NADSYN1: variants seen among roughly 807,000 people sequenced by gnomAD.
NADSYN1 encodes the protein glutamine-dependent NAD(+) synthetase.
A neutral mutation model predicts 99.3 loss-of-function variants in NADSYN1; 80 were observed. The observed-to-expected ratio is 0.81, with a 90% CI of 0.67 to 0.97. The LOEUF (loss-of-function observed/expected upper bound fraction) is 0.97, where lower values mean the gene tolerates loss of function less well. Among genes scored for constraint, NADSYN1 ranks in the 50% least tolerant of loss-of-function variants. The pLI, the probability that NADSYN1 is intolerant of heterozygous loss-of-function variation, is 0.00. For missense variants in NADSYN1, 859 were observed against 948.5 expected, an observed-to-expected ratio of 0.91 and a Z score of 1.24; for synonymous variants, 385 against 372.1, an observed-to-expected ratio of 1.03 and a Z score of -0.40.
At position 71,485,552 on chromosome 11, in the gene NADSYN1, G is replaced by A. The variant is rs992896068; in HGVS notation, c.1466G>A (p.Arg489Gln). Residue 489 changes from arginine (R) to glutamine (Q), a missense_variant, in exon 16 of 21, where the codon CGG becomes CAG. Coordinates refer to ENST00000319023, the MANE Select transcript of NADSYN1 (RefSeq NM_018161.5). ...LALQNVQARI[R>Q]MVLAYLFAQL... ...TGTTGTGTTTTCCAGGCTCGAATAC[G>A]GATGGTCCTCGCCTATCTGTTTGCT... 30 of 1,558,212 alleles carry A rather than the reference G, an allele frequency of 1.9e-5. No individual in the cohort carries two copies. Among genetic ancestry groups the A allele is most frequent in the African/African-American group, 5.4e-5 (4 of 73,594 alleles).
intron 9 of NADSYN1, 80 bp from the exon 10 acceptor site, chr11:71,478,315 A>C: frequency 8.3e-7 from 1 of 1,204,516 alleles, no homozygotes; most frequent in Non-Finnish European, 1.2e-6. Flanking sequence ...GTGTGACAAC[A>C]CCTTTGACAG....
At position 71,471,202 on chromosome 11, in the gene NADSYN1, C is replaced by T. The variant is rs12278475; in HGVS notation, c.408-1247C>T. On this transcript the variant is annotated intron_variant, in intron 5 of 20. Coordinates refer to ENST00000319023, the MANE Select transcript of NADSYN1 (RefSeq NM_018161.5). ...TCTGGGATGGTATTCCTTTCATCCC[C>T]GTGGAAGAGGTGGCAGGAAGGTGAG... Among the ~76,000 whole-genome samples, 1,218 of 152,222 alleles carry T rather than the reference C, an allele frequency of 8.0e-3. 22 individuals carry two copies. The highest frequency in any genetic ancestry group is 0.028 in the African/African-American group (1,149 of 41,526).
At position 71,492,809 on chromosome 11, in the gene NADSYN1, C is replaced by T. The variant is rs570708650; in HGVS notation, c.1764+906C>T. Among the ~76,000 whole-genome samples the T allele has an allele frequency of 6.9e-4, 105 of 152,076 alleles. 1 individual carries two copies. The highest frequency in any genetic ancestry group is 2.2e-3 in the African/African-American group (90 of 41,488). On this transcript the variant is annotated intron_variant, in intron 18 of 20. Transcript: ENST00000319023. The stretch of plus-strand genomic sequence containing the variant: ...GATCAGTTTGGAGTTCGGGGAGTTT[C>T]GCCATCTTAATCATAAGAACTCTTC...
intron 2 of NADSYN1, 66 bp downstream of exon 2, chr11:71,455,236 G>C (rs1285404866): frequency 7.2e-7 from 1 of 1,391,996 alleles, no homozygotes; most frequent in East Asian, 2.3e-5. Flanking sequence ...TTCCCCAGCT[G>C]AGAAGGCAAG....
At chr11:71,459,099 A>C in intron 3 of NADSYN1, 1 of 146,802 alleles carries the variant, frequency 6.8e-6, no homozygotes. Flanking sequence ...TCTGTGCTGT[A>C]CCCTGCATAG....
intron 14 of NADSYN1, among the ~76,000 whole-genome samples, chr11:71,483,741 A>G (rs1435158694): frequency 1.3e-5 from 2 of 152,222 alleles, no homozygotes; most frequent in Admixed American, 6.5e-5. Flanking sequence ...CTTGTTCAGG[A>G]AAGTCCATAG....
rs1949727838 is a variant in NADSYN1, at chr11:71,484,323, G to A, written c.1331G>A (p.Ser444Asn). The A allele has an allele frequency of 6.2e-7, 1 of 1,613,852 alleles. No homozygotes were observed. The highest frequency in any genetic ancestry group is 8.5e-7 in the Non-Finnish European group (1 of 1,179,838). ...LAQQIGSHHI[S>N]LNIDPAVKAV... Reference sequence around the variant, plus strand: ...CCTTCTCCTTCCAGCCACCACATCAGTCTCAACATCGATCCAGCCGTGAAG... The same window carrying A: ...CCTTCTCCTTCCAGCCACCACATCAATCTCAACATCGATCCAGCCGTGAAG... Residue 444 changes from serine (S) to asparagine (N), a missense_variant, in exon 15 of 21, where the codon AGT becomes AAT. By Grantham distance (46) the Ser-to-Asn change is conservative. Coordinates refer to ENST00000319023, the MANE Select transcript of NADSYN1 (RefSeq NM_018161.5).
At chr11:71,497,106 G>T in intron 18 of NADSYN1, 1 of 264,504 alleles carries the variant, frequency 3.8e-6, no homozygotes, top group Non-Finnish European at 7.4e-6. Context: ...TTAAACCCCT[G>T]GGCTCAAGCA....
In NADSYN1 at chr11:71,480,768, G is replaced by GCCCCTA. The variant is rs762046883; in HGVS notation, c.892_897dup (p.Tyr298_Pro299dup). The GCCCCTA allele has an allele frequency of 8.1e-6, 13 of 1,614,148 alleles. No individual in the cohort carries two copies. Among genetic ancestry groups the GCCCCTA allele is most frequent in the Admixed American group, 1.7e-5 (1 of 60,024 alleles). ...CTCCATTGCCAGGCCAGCAGGGCGA[G>GCCCCTA]CCCCTACCCCAGAGTGAAGGTGGAC... On this transcript the variant is annotated inframe_insertion, in exon 11 of 21. Transcript: ENST00000319023.
At chr11:71,462,314 T>C (rs950059194) in intron 3 of NADSYN1, among the ~76,000 whole-genome samples, 4 of 152,246 alleles carry the variant, frequency 2.6e-5, no homozygotes, top group Non-Finnish European at 5.9e-5. Context: ...CATAAAACTT[T>C]GGTCTCCACA....
chr11:71,473,284 G>T lies in NADSYN1; in HGVS notation c.466G>T (p.Val156Leu), dbSNP rs376814529. 9.9e-6 allele frequency: 16 copies of T among 1,614,070 alleles called. No homozygotes were observed. Among genetic ancestry groups the T allele is most frequent in the Non-Finnish European group, 1.3e-5 (15 of 1,179,962 alleles). ...MIQDLTKQET[V>L]PFGDAVLVTW... Reference sequence around the variant, plus strand: ...TCTTCTCTTCCGACTGCAGGAAACCGTACCCTTCGGAGATGCGGTGCTGGT... The same window carrying T: ...TCTTCTCTTCCGACTGCAGGAAACCTTACCCTTCGGAGATGCGGTGCTGGT... Residue 156 changes from valine to leucine, a missense_variant, in exon 7 of 21, where the codon GTA (valine) becomes TTA (leucine). Physicochemically the swap from Val to Leu is conservative, Grantham distance 32. Coordinates refer to ENST00000319023, the MANE Select transcript of NADSYN1 (RefSeq NM_018161.5).
In NADSYN1 at chr11:71,498,438, G is replaced by T; in HGVS notation, c.1980G>T (p.Glu660Asp). Reference sequence around the variant, plus strand: ...CGCTCACACCCGCGTACCACGCCGAGAACTACAGCCCTGAGGACAACAGGT... The same window carrying T: ...CGCTCACACCCGCGTACCACGCCGATAACTACAGCCCTGAGGACAACAGGT... ...MTTLTPAYHA[E>D]NYSPEDNRFD... The change falls in exon 20 of 21, where the codon GAG (glutamate) becomes GAT (aspartate). Residue 660 changes from glutamate to aspartate, a missense_variant. Transcript: ENST00000319023. 6.2e-7 allele frequency: 1 copy of T among 1,614,186 alleles called. No individual in the cohort carries two copies. The highest frequency in any genetic ancestry group is 1.1e-5 in the South Asian group (1 of 91,080).
chr11:71,458,552 C>A lies in NADSYN1; in HGVS notation c.263+8C>A. The A allele has an allele frequency of 1.3e-6, 2 of 1,587,450 alleles. No individual in the cohort carries two copies. Among genetic ancestry groups the A allele is most frequent in the Non-Finnish European group, 1.7e-6 (2 of 1,155,242 alleles). Reference sequence around the variant, plus strand: ...CATCTGCGACGTGGGGATGTAAGTGCCAGTGTGAGTGTGGAAGGGCAAACC... The same window carrying A: ...CATCTGCGACGTGGGGATGTAAGTGACAGTGTGAGTGTGGAAGGGCAAACC... On this transcript the variant is annotated splice_region_variant and intron_variant, in intron 3 of 20. Transcript: ENST00000319023.
intron 16 of NADSYN1, among the ~76,000 whole-genome samples, chr11:71,487,913 G>C (rs1288683018): frequency 1.3e-5 from 2 of 151,876 alleles, no homozygotes; most frequent in Non-Finnish European, 2.9e-5. Flanking sequence ...CTCACTGCGG[G>C]ACAGAAGGCC....
chr11:71,492,032 G>A, intron 18 of NADSYN1, 129 bp downstream of exon 18: 1 of 801,544 alleles, frequency 1.2e-6, no homozygotes, highest in Non-Finnish European at 2.0e-6. Context: ...CCCTGGCCTG[G>A]GTGCCCAGGG....
intron 2 of NADSYN1, among the ~76,000 whole-genome samples, chr11:71,457,137 G>A (rs1022619229): frequency 2.6e-5 from 4 of 152,256 alleles, no homozygotes; most frequent in South Asian, 2.1e-4. Context: ...GTGTTATAAC[G>A]TTATTTGGTT....
chr11:71,480,143 G>C (rs1368716195), intron 10 of NADSYN1: 2 of 152,436 alleles, frequency 1.3e-5, no homozygotes, highest in Non-Finnish European at 2.9e-5. Context: ...TGGTAACTCT[G>C]TTAACTGTTT....
At chr11:71,464,313 C>A in intron 5 of NADSYN1, 171 bp downstream of exon 5, 1 of 590,356 alleles carries the variant, frequency 1.7e-6, no homozygotes. Context: ...ATGAAGCAAC[C>A]AAAGGAGAGA....
intron 19 of NADSYN1, among the ~76,000 whole-genome samples, chr11:71,498,074 C>G (rs1321283678): frequency 6.6e-6 from 1 of 152,158 alleles, no homozygotes; most frequent in Non-Finnish European, 1.5e-5. Flanking sequence ...GGCAGGGGGA[C>G]CCCGGTTTCA....
Sources: gnomAD v4.1 joint callset for allele counts (sites outside exome capture counted in the v4.1 genomes callset) on GRCh38, gnomAD v4.1.1 for gene constraint, MANE v1.5 for transcripts, NCBI Gene and HGNC (gene_info 2026-07-23, HGNC 2026-07-21) for gene names.